The following INCENP variants were observed in gnomAD, a reference collection of about 807,000 sequenced individuals.
INCENP encodes the protein binds and activates aurora-B and -C in vivo and in vitro.
In INCENP, 43 loss-of-function variants were observed where a neutral mutation model predicts 107.3. The observed-to-expected ratio is 0.40, with a 90% CI of 0.31 to 0.52. INCENP has a LOEUF of 0.52. Ranked by LOEUF, INCENP falls within the 20% of genes least tolerant of loss-of-function variation. The probability of loss-of-function intolerance (pLI) is 0.53; values close to 1 mark genes in which losing one functional copy is unlikely to be tolerated. For missense variants in INCENP, 1,089 were observed against 1,250.9 expected (o/e 0.87, Z 1.95); for synonymous variants, 488 against 494.4 (o/e 0.99, Z 0.17).
chr11:62,146,992 G>A lies in INCENP; in HGVS notation c.2204+90G>A, dbSNP rs1015497631. The A allele has an allele frequency of 1.7e-5, 26 of 1,544,256 alleles. 1 individual carries two copies. In the African/African-American group the frequency reaches 3.1e-4, roughly 19 times the overall value. Reference sequence around the variant, plus strand: ...TGCCTGGACACAGCCCCACCTGCATGTGACGGTTTGCAGGTGCTTTCCTTG... The same window carrying A: ...TGCCTGGACACAGCCCCACCTGCATATGACGGTTTGCAGGTGCTTTCCTTG... On this transcript the variant is annotated intron_variant, in intron 15 of 18. Transcript: ENST00000394818.
chr11:62,130,178 A>T lies in INCENP; in HGVS notation c.651A>T (p.Glu217Asp). ...TSQGIPTSDE[E>D]STPKKSKARI... Reference sequence around the variant, plus strand: ...AGGGCATCCCGACATCAGATGAGGAATCAACACCTAAGAAGTCGAAGGCCA... The same window carrying T: ...AGGGCATCCCGACATCAGATGAGGATTCAACACCTAAGAAGTCGAAGGCCA... Residue 217 changes from glutamate (E) to aspartate (D), a missense_variant, in exon 4 of 19, where the codon GAA (glutamate) becomes GAT (aspartate). Transcript: ENST00000394818. 6.2e-7 allele frequency: 1 copy of T among 1,614,008 alleles called. No individual in the cohort carries two copies. Among genetic ancestry groups the T allele is most frequent in the Non-Finnish European group, 8.5e-7 (1 of 1,180,030 alleles).
intron 1 of INCENP, among the ~76,000 whole-genome samples, chr11:62,124,517 G>A (rs763404435): frequency 6.6e-6 from 1 of 152,234 alleles, no homozygotes; most frequent in Non-Finnish European, 1.5e-5. Context: ...TGGCATTTCT[G>A]TGCAGTTAAA....
In INCENP at chr11:62,148,780, G is replaced by A. The variant is rs1408348334; in HGVS notation, c.2325G>A (p.Glu775=). Residue 775 remains glutamate, a synonymous_variant, in exon 17 of 19, where the codon GAG becomes GAA. Transcript: ENST00000394818. ...TGGCTGAGCGGCAGCTGCAGGAGGA[G>A]CAAGAGAAGAAAGCCAAGGAGGCAG... The part of the protein sequence containing the change: ...QRLAERQLQE[E]QEKKAKEAAG... 6.2e-7 allele frequency: 1 copy of A among 1,605,460 alleles called. No individual in the cohort carries two copies. The highest frequency in any genetic ancestry group is 8.5e-7 in the Non-Finnish European group (1 of 1,176,606).
At chr11:62,136,524 A>G (rs1349541973) in intron 4 of INCENP, among the ~76,000 whole-genome samples, 1 of 152,150 alleles carries the variant, frequency 6.6e-6, no homozygotes, top group South Asian at 2.1e-4. Flanking sequence ...TACTAAAAAT[A>G]TAAAAAATTA....
At chr11:62,127,987 G>A (rs1943792659) in intron 1 of INCENP, among the ~76,000 whole-genome samples, 164 bp from the exon 2 acceptor site, 1 of 152,126 alleles carries the variant, frequency 6.6e-6, no homozygotes, top group African/African-American at 2.4e-5. Flanking sequence ...ATGAGTGTTT[G>A]GAATTCTGCA....
intron 8 of INCENP, 104 bp downstream of exon 8, chr11:62,140,389 G>T: frequency 9.6e-7 from 1 of 1,040,462 alleles, no homozygotes; most frequent in Non-Finnish European, 1.5e-6. Flanking sequence ...GGGCTTCAGA[G>T]CCTCTCTGCT....
At chr11:62,137,708 G>A in intron 4 of INCENP, 124 bp from the exon 5 acceptor site, 1 of 812,302 alleles carries the variant, frequency 1.2e-6, no homozygotes, top group East Asian at 2.4e-5. Context: ...GCATGGTGGG[G>A]GCTCCACGGC....
intron 2 of INCENP, 64 bp from the exon 3 acceptor site, chr11:62,128,706 G>A: frequency 8.8e-7 from 1 of 1,140,980 alleles, no homozygotes; most frequent in Admixed American, 1.7e-5. Context: ...GGGCCAGGCT[G>A]GGTGGGAGAG....
chr11:62,146,968 G>T (rs1429639848), intron 15 of INCENP, 66 bp downstream of exon 15: 1 of 1,577,130 alleles, frequency 6.3e-7, no homozygotes, highest in East Asian at 2.2e-5. Context: ...TGTGAACCTT[G>T]CCTGGACACA....
At chr11:62,126,396 C>T (rs181601125) in intron 1 of INCENP, among the ~76,000 whole-genome samples, 18 of 152,266 alleles carry the variant, frequency 1.2e-4, no homozygotes, top group African/African-American at 4.3e-4. Flanking sequence ...CTGGGTTTCA[C>T]CACGTTGGCC....
rs1944388764 is a variant in INCENP, at chr11:62,152,079, T to C, written c.*103T>C. ...TGTTGCCCTCCTTCTTGGCATGCCA[T>C]TGTGGAGGGCTTGGCCAGGTGTATA... On this transcript the variant is annotated 3_prime_UTR_variant, in exon 19 of 19. Transcript: ENST00000394818. 2.4e-6 allele frequency: 2 copies of C among 817,590 alleles called. No homozygotes were observed. Among genetic ancestry groups the C allele is most frequent in the Non-Finnish European group, 3.7e-6 (2 of 544,716 alleles). The allele number at this position is 817,590 out of a possible 1,614,324, so 50.6% of individuals were successfully genotyped here.
Position 62,140,231 on chromosome 11 carries a change from C to A in INCENP, c.1292-3C>A. On this transcript the variant is annotated splice_polypyrimidine_tract_variant and splice_region_variant and intron_variant, in intron 7 of 18. Transcript: ENST00000394818. The stretch of plus-strand genomic sequence containing the variant: ...AGCCTTGCTGAAATTGCTGTCTTCA[C>A]AGAGGCCAAGACGGACCAAGCAGAT... The A allele has an allele frequency of 6.2e-7, 1 of 1,613,510 alleles. No individual in the cohort carries two copies. The highest frequency in any genetic ancestry group is 8.5e-7 in the Non-Finnish European group (1 of 1,179,768).
chr11:62,141,281 A>G (rs1054601191), intron 10 of INCENP, among the ~76,000 whole-genome samples: 1 of 152,304 alleles, frequency 6.6e-6, no homozygotes, highest in East Asian at 1.9e-4. Context: ...GGCCGGCTCA[A>G]TGTGAGCCCT....
intron 10 of INCENP, 37 bp from the exon 11 acceptor site, chr11:62,141,463 G>A: frequency 6.2e-7 from 1 of 1,613,864 alleles, no homozygotes; most frequent in Non-Finnish European, 8.5e-7. Flanking sequence ...CCCCGGCCTG[G>A]CATTAACTCT....
At position 62,130,447 on chromosome 11, in the gene INCENP, C is replaced by T. The variant is rs767877684; in HGVS notation, c.920C>T (p.Pro307Leu). 1.2e-5 allele frequency: 20 copies of T among 1,613,916 alleles called. No homozygotes were observed. Among genetic ancestry groups the T allele is most frequent in the African/African-American group, 5.3e-5 (4 of 74,946 alleles). The stretch of plus-strand genomic sequence containing the variant: ...GACTCTCAATCGGTGCGGCACAGCC[C>T]GATCGCCCCGTCTTCCCCGAGTCCC... The part of the protein sequence containing the change: ...RTDSQSVRHS[P>L]IAPSSPSPQV... The change falls in exon 4 of 19, where the codon CCG (proline) becomes CTG (leucine). Residue 307 changes from proline to leucine, a missense_variant. Transcript: ENST00000394818.
At chr11:62,126,349 C>T (rs1461391738) in intron 1 of INCENP, among the ~76,000 whole-genome samples, 4 of 152,126 alleles carry the variant, frequency 2.6e-5, no homozygotes, top group Non-Finnish European at 5.9e-5. Context: ...GCGTGCACCA[C>T]CACACACAGC....
intron 1 of INCENP, among the ~76,000 whole-genome samples, chr11:62,127,732 G>C (rs1258476728): frequency 1.3e-5 from 2 of 152,204 alleles, no homozygotes; most frequent in Non-Finnish European, 2.9e-5. Context: ...GGGCCTACTG[G>C]AGAGCGAGAG....
At chr11:62,148,671 A>T in intron 16 of INCENP, 68 bp from the exon 17 acceptor site, 1 of 1,228,626 alleles carries the variant, frequency 8.1e-7, no homozygotes, top group Non-Finnish European at 1.1e-6. Context: ...AATGGAGCGG[A>T]GGGAAGGGGA....
Position 62,128,894 on chromosome 11 carries a change from T to A in INCENP, c.254+11T>A. The A allele has an allele frequency of 6.4e-7, 1 of 1,569,946 alleles. No homozygotes were observed. Among genetic ancestry groups the A allele is most frequent in the Middle Eastern group, 1.7e-4 (1 of 5,976 alleles). ...TCCCATCAGGAGAAGGTAGGAGGGG[T>A]TGGGGGAGAGTGAGCTGAGCAGTGG... On this transcript the variant is annotated intron_variant, in intron 3 of 18. Coordinates refer to ENST00000394818, the MANE Select transcript of INCENP (RefSeq NM_001040694.2).
Sources: allele counts gnomAD v4.1 joint callset (sites outside exome capture counted in the v4.1 genomes callset), GRCh38; gene constraint gnomAD v4.1.1; transcripts MANE v1.5; gene names NCBI Gene and HGNC (gene_info 2026-07-23, HGNC 2026-07-21).